NPAS3: variants seen among roughly 807,000 people sequenced by gnomAD.
NPAS3 encodes neuronal PAS domain protein 3.
A neutral mutation model predicts 73.1 loss-of-function variants in NPAS3; 14 were observed. The observed-to-expected ratio is 0.19, with a 90% CI of 0.13 to 0.30. The LOEUF (loss-of-function observed/expected upper bound fraction) is 0.30, where lower values mean the gene tolerates loss of function less well. Ranked by LOEUF, NPAS3 falls within the 10% of genes least tolerant of loss-of-function variation. The probability of loss-of-function intolerance (pLI) is 1.00; values close to 1 mark genes in which losing one functional copy is unlikely to be tolerated. For synonymous variants in NPAS3, 620 were observed against 541.5 expected (o/e 1.14, Z -2.01); for missense variants, 1,096 against 1,250.0 (o/e 0.88, Z 1.86).
chr14:33,610,391 A>T (rs1373435096), intron 5 of NPAS3, among the ~76,000 whole-genome samples: 1 of 152,140 alleles, frequency 6.6e-6, no homozygotes, highest in Non-Finnish European at 1.5e-5. Flanking sequence ...TTTCACTGGC[A>T]AACTACCCTG....
chr14:33,011,091 T>C (rs2039179068), intron 1 of NPAS3, among the ~76,000 whole-genome samples: 1 of 152,222 alleles, frequency 6.6e-6, no homozygotes, highest in Admixed American at 6.5e-5. Context: ...AATAGATGTT[T>C]GCAAAAGTGA....
At chr14:33,135,733 G>T (rs181993846) in intron 2 of NPAS3, among the ~76,000 whole-genome samples, 5 of 152,106 alleles carry the variant, frequency 3.3e-5, no homozygotes, top group Non-Finnish European at 7.4e-5. Context: ...AAAAAGGGAA[G>T]GAAAAGACCA....
Position 33,680,875 on chromosome 14 carries a change from T to C in NPAS3, c.733+4490T>C, listed in dbSNP as rs2059916527. The C allele has an allele frequency of 6.0e-6, 3 of 504,128 alleles. No homozygotes were observed. The East Asian group carries it at 9.7e-5, about 16-fold the overall frequency. 31.2% of individuals were successfully genotyped at this position (504,128 alleles called of 1,614,324 possible). On this transcript the variant is annotated intron_variant, in intron 6 of 11. Transcript: ENST00000356141. Reference sequence around the variant, plus strand: ...AAAGTATGGGTTATCATGTTTTGTCTAAATTTTCAGGCAAAATCTAGCCTG... The same window carrying C: ...AAAGTATGGGTTATCATGTTTTGTCCAAATTTTCAGGCAAAATCTAGCCTG...
At chr14:33,186,103 C>G (rs1286118569) in intron 2 of NPAS3, among the ~76,000 whole-genome samples, 1 of 152,106 alleles carries the variant, frequency 6.6e-6, no homozygotes, top group African/African-American at 2.4e-5. Context: ...TAGACTCCCC[C>G]CCACCCACAA....
intron 1 of NPAS3, among the ~76,000 whole-genome samples, chr14:33,052,454 A>G (rs1055016927): frequency 6.6e-6 from 1 of 152,170 alleles, no homozygotes; most frequent in Non-Finnish European, 1.5e-5. Flanking sequence ...TAAATATTAG[A>G]TATACTCATC....
chr14:33,308,525 T>TACACACACAC (rs1280716729), intron 3 of NPAS3, among the ~76,000 whole-genome samples: 20,765 of 81,940 alleles, frequency 0.25, 2,239 homozygotes, highest in Admixed American at 0.31. Flanking sequence ...TATATATATA[T>TACACACACAC]ATACATACAC....
chr14:33,765,426 G>T (rs1236073496), intron 7 of NPAS3, among the ~76,000 whole-genome samples: 1 of 152,096 alleles, frequency 6.6e-6, no homozygotes, highest in Non-Finnish European at 1.5e-5. Flanking sequence ...GGCCGGCTGG[G>T]CTAGGGGGAG....
chr14:33,803,978 G>C (rs1390533907), downstream of NPAS3: 1 of 152,110 alleles, frequency 6.6e-6, no homozygotes, highest in East Asian at 1.9e-4. Context: ...TGAGTGCCTG[G>C]CTTATTTTGA....
chr14:33,753,322 T>C (rs947518460), intron 7 of NPAS3, among the ~76,000 whole-genome samples: 2 of 150,184 alleles, frequency 1.3e-5, no homozygotes, highest in African/African-American at 2.5e-5. Flanking sequence ...GGATTATACT[T>C]CTCAAAATAT....
rs1474573483 is a variant in NPAS3, at chr14:33,514,249, A to G, written c.469-45872A>G. Among the ~76,000 whole-genome samples, 69 of 152,154 alleles carry G rather than the reference A, an allele frequency of 4.5e-4. 1 individual carries two copies. The highest frequency in any genetic ancestry group is 7.4e-5 in the Non-Finnish European group (5 of 67,960). On this transcript the variant is annotated intron_variant, in intron 4 of 11. Coordinates refer to ENST00000356141, the Ensembl canonical transcript of NPAS3. ...TGGTATAAGGAATAGTGCCTTGTCAACGGAGTTGCACATAGACAGGGCAGC... is the reference window on the plus strand; with the variant it reads ...TGGTATAAGGAATAGTGCCTTGTCAGCGGAGTTGCACATAGACAGGGCAGC...
At chr14:33,065,209 A>G (rs1025674006) in intron 2 of NPAS3, among the ~76,000 whole-genome samples, 2 of 152,180 alleles carry the variant, frequency 1.3e-5, no homozygotes, top group Non-Finnish European at 2.9e-5. Flanking sequence ...TAAATGTGGA[A>G]ATAGTTTTGC....
intron 4 of NPAS3, among the ~76,000 whole-genome samples, chr14:33,491,776 G>A (rs147439392): frequency 1.8e-3 from 276 of 152,212 alleles, no homozygotes; most frequent in Non-Finnish European, 2.6e-3. Context: ...ATGGCTAAGC[G>A]TATTAATTGA....
Position 33,690,926 on chromosome 14 carries a change from G to GT in NPAS3, c.733+14546dup, listed in dbSNP as rs530278760. Among the ~76,000 whole-genome samples, 215 of 147,692 alleles carry GT rather than the reference G, an allele frequency of 1.5e-3. 1 individual carries two copies. The highest frequency in any genetic ancestry group is 4.9e-3 in the African/African-American group (195 of 40,166). On this transcript the variant is annotated intron_variant, in intron 6 of 11. Transcript: ENST00000356141. Reference sequence around the variant, plus strand: ...CCTATGGTGCTTTCTTTCCTAGCTTGTTTTTAAGTGTCATAAATAAATGAT... The same window carrying GT: ...CCTATGGTGCTTTCTTTCCTAGCTTGTTTTTTAAGTGTCATAAATAAATGAT...
chr14:33,239,166 C>T (rs1226421378), intron 3 of NPAS3, among the ~76,000 whole-genome samples: 1 of 151,824 alleles, frequency 6.6e-6, no homozygotes, highest in African/African-American at 2.4e-5. Flanking sequence ...GGTAAGAGGA[C>T]TTCTCAGTGT....
chr14:33,162,146 A>G (rs898820986), intron 2 of NPAS3, among the ~76,000 whole-genome samples: 1 of 152,230 alleles, frequency 6.6e-6, no homozygotes, highest in African/African-American at 2.4e-5. Context: ...ACCTGCTTAT[A>G]CGGTCATCTG....
At chr14:33,433,989 G>A (rs543202251) in intron 4 of NPAS3, among the ~76,000 whole-genome samples, 7 of 152,190 alleles carry the variant, frequency 4.6e-5, no homozygotes, top group African/African-American at 9.6e-5. Context: ...TCAGGAGTTC[G>A]AGACCAGCCT....
intron 1 of NPAS3, among the ~76,000 whole-genome samples, chr14:32,956,644 T>C (rs2036682621): frequency 6.6e-6 from 1 of 152,188 alleles, no homozygotes; most frequent in Non-Finnish European, 1.5e-5. Flanking sequence ...AAGTTTATAA[T>C]CTGTTGACAC....
chr14:33,061,768 C>G (rs1188622718), intron 2 of NPAS3, among the ~76,000 whole-genome samples: 1 of 152,172 alleles, frequency 6.6e-6, no homozygotes, highest in East Asian at 1.9e-4. Flanking sequence ...AAAACCTCTG[C>G]TCTCTAGAAG....
intron 2 of NPAS3, among the ~76,000 whole-genome samples, chr14:33,112,561 T>C (rs1395857592): frequency 1.3e-5 from 2 of 152,244 alleles, no homozygotes; most frequent in Non-Finnish European, 2.9e-5. Flanking sequence ...AGATTCTGGA[T>C]ATTAGCCCTT....
Sources: allele counts gnomAD v4.1 joint callset (sites outside exome capture counted in the v4.1 genomes callset), GRCh38; gene constraint gnomAD v4.1.1; transcripts MANE v1.5; gene names NCBI Gene and HGNC (gene_info 2026-07-23, HGNC 2026-07-21).